The following MAPK4 variants were observed in gnomAD, a reference collection of about 807,000 sequenced individuals.
MAPK4 encodes the protein mitogen-activated protein kinase 4, also known as Erk3-related.
Under a neutral mutation model 47.7 loss-of-function variants are expected in MAPK4, and 22 were observed. The observed-to-expected ratio is 0.46, with a 90% CI of 0.33 to 0.66. The LOEUF (loss-of-function observed/expected upper bound fraction) is 0.66, where lower values mean the gene tolerates loss of function less well. MAPK4 is among the 30% of genes least tolerant of loss of function. MAPK4 has a pLI of 0.02. For synonymous variants in MAPK4, 390 were observed against 365.7 expected, an observed-to-expected ratio of 1.07 and a Z score of -0.76; for missense variants, 736 against 831.7, an observed-to-expected ratio of 0.88 and a Z score of 1.42.
At chr18:50,718,567 G>C (rs1910759890) in intron 3 of MAPK4, among the ~76,000 whole-genome samples, 1 of 152,122 alleles carries the variant, frequency 6.6e-6, no homozygotes, top group Non-Finnish European at 1.5e-5. Flanking sequence ...GGCACCATAG[G>C]AGCAGATTTA....
intron 1 of MAPK4, among the ~76,000 whole-genome samples, chr18:50,648,798 C>T (rs1044596192): frequency 9.2e-5 from 14 of 152,142 alleles, no homozygotes; most frequent in Non-Finnish European, 1.2e-4. Context: ...GTAGCCTCAC[C>T]CCTACCCTCG....
intron 2 of MAPK4, among the ~76,000 whole-genome samples, chr18:50,712,406 G>A (rs1598943528): frequency 6.6e-6 from 1 of 152,080 alleles, no homozygotes; most frequent in Admixed American, 6.6e-5. Context: ...CAGCCTGGGC[G>A]ACAGAATGCG....
intron 2 of MAPK4, among the ~76,000 whole-genome samples, chr18:50,714,590 T>A (rs1225551626): frequency 2.0e-5 from 3 of 152,246 alleles, no homozygotes; most frequent in Non-Finnish European, 4.4e-5. Context: ...CCTGGCTTTG[T>A]GGCAGCATTA....
chr18:50,602,919 T>C (rs2042552937), intron 1 of MAPK4, among the ~76,000 whole-genome samples: 1 of 152,080 alleles, frequency 6.6e-6, no homozygotes, highest in South Asian at 2.1e-4. Flanking sequence ...CCTCCTCAGA[T>C]GTTGGGTGTG....
chr18:50,708,438 C>T (rs1196713774), intron 2 of MAPK4, among the ~76,000 whole-genome samples: 3 of 152,188 alleles, frequency 2.0e-5, no homozygotes, highest in African/African-American at 7.2e-5. Context: ...TTAGGGCAGG[C>T]CAGTATCATA....
intron 1 of MAPK4, among the ~76,000 whole-genome samples, chr18:50,562,803 G>C (rs1301952560): frequency 6.6e-6 from 1 of 152,162 alleles, no homozygotes; most frequent in Non-Finnish European, 1.5e-5. Flanking sequence ...TGGTTCATGA[G>C]ATAAACATGT....
At chr18:50,660,739 G>A (rs892024291) in intron 1 of MAPK4, among the ~76,000 whole-genome samples, 7 of 152,172 alleles carry the variant, frequency 4.6e-5, no homozygotes, top group Non-Finnish European at 1.0e-4. Context: ...AACAAATGGG[G>A]GTGGTGGGGA....
chr18:50,711,746 T>G (rs897173685), intron 2 of MAPK4, among the ~76,000 whole-genome samples: 2 of 152,192 alleles, frequency 1.3e-5, no homozygotes, highest in Admixed American at 6.5e-5. Flanking sequence ...ATTTGGAGAT[T>G]TTTTTTGAGC....
At chr18:50,636,673 A>T (rs905676542) in intron 1 of MAPK4, among the ~76,000 whole-genome samples, 16 of 152,254 alleles carry the variant, frequency 1.1e-4, no homozygotes, top group African/African-American at 3.8e-4. Context: ...TTGCTTTTCT[A>T]TGGGAACCTT....
chr18:50,620,806 A>G (rs1269644123), intron 1 of MAPK4, among the ~76,000 whole-genome samples: 1 of 152,110 alleles, frequency 6.6e-6, no homozygotes, highest in Non-Finnish European at 1.5e-5. Flanking sequence ...AAACTTGCAG[A>G]AAGAAAAAAA....
chr18:50,710,464 C>T (rs976859456), intron 2 of MAPK4, among the ~76,000 whole-genome samples: 2 of 151,784 alleles, frequency 1.3e-5, no homozygotes, highest in African/African-American at 4.8e-5. Context: ...GCCTGGGCAA[C>T]AGAGCGAGAC....
At chr18:50,670,756 C>CAA (rs34523525) in intron 2 of MAPK4, among the ~76,000 whole-genome samples, 3,218 of 104,498 alleles carry the variant, frequency 0.031, 93 homozygotes, top group African/African-American at 0.084. Flanking sequence ...GACTCCGTCT[C>CAA]AAAAAAAAAA....
At chr18:50,618,170 A>G (rs1415780277) in intron 1 of MAPK4, among the ~76,000 whole-genome samples, 3 of 151,874 alleles carry the variant, frequency 2.0e-5, no homozygotes, top group Non-Finnish European at 4.4e-5. Flanking sequence ...AAGCTAACCT[A>G]CCTCCATCTC....
intron 2 of MAPK4, among the ~76,000 whole-genome samples, chr18:50,677,564 G>A (rs995040526): frequency 6.7e-6 from 1 of 149,340 alleles, no homozygotes; most frequent in African/African-American, 2.5e-5. Flanking sequence ...GTTTTTTTTT[G>A]TTGTTTTTTT....
Position 50,729,661 on chromosome 18 carries a change from G to T in MAPK4, c.1571G>T (p.Gly524Val), listed in dbSNP as rs1454241979. The T allele has an allele frequency of 6.6e-7, 1 of 1,522,492 alleles. No individual in the cohort carries two copies. Among genetic ancestry groups the T allele is most frequent in the South Asian group, 1.3e-5 (1 of 79,818 alleles). 94.3% of individuals were successfully genotyped at this position (1,522,492 alleles called of 1,614,324 possible). Residue 524 changes from glycine (G) to valine (V), a missense_variant, in exon 6 of 6, where the codon GGC becomes GTC. By Grantham distance (109) the Gly-to-Val change is moderately radical (BLOSUM62 -3). This residue lies in a region of MAPK4 where 377 missense variants were observed against 378.6 expected (regional missense o/e 1.00). Coordinates refer to ENST00000400384, the MANE Select transcript of MAPK4 (RefSeq NM_002747.4). The part of the protein sequence containing the change: ...PERRLSASPP[G>V]RPAPVDGGAS... ...CGCCGCTTGTCTGCCTCGCCCCCCGGCCGCCCGGCCCCGGTGGACGGCGGC... is the reference window on the plus strand; with the variant it reads ...CGCCGCTTGTCTGCCTCGCCCCCCGTCCGCCCGGCCCCGGTGGACGGCGGC...
chr18:50,707,216 G>A (rs1003533740), intron 2 of MAPK4, among the ~76,000 whole-genome samples: 4 of 152,114 alleles, frequency 2.6e-5, no homozygotes, highest in Admixed American at 2.0e-4. Flanking sequence ...GAGGCAGGGG[G>A]CAAGAACAAT....
intron 1 of MAPK4, among the ~76,000 whole-genome samples, chr18:50,616,055 C>T (rs1207744552): frequency 1.3e-5 from 2 of 152,194 alleles, no homozygotes; most frequent in African/African-American, 4.8e-5. Flanking sequence ...TAGGATTCCT[C>T]AGTGTCACTT....
At chr18:50,723,831 T>A (rs1250075224) in intron 4 of MAPK4, among the ~76,000 whole-genome samples, 1 of 141,984 alleles carries the variant, frequency 7.0e-6, no homozygotes, top group Non-Finnish European at 1.5e-5. Context: ...ATCACTGTAC[T>A]CCAACCTGGA....
At chr18:50,578,680 T>G (rs1009266512) in intron 1 of MAPK4, among the ~76,000 whole-genome samples, 1 of 152,206 alleles carries the variant, frequency 6.6e-6, no homozygotes, top group Admixed American at 6.5e-5. Context: ...ATGCTAGGTA[T>G]TGTGCAAGCT....
Sources: allele counts gnomAD v4.1 joint callset (sites outside exome capture counted in the v4.1 genomes callset), GRCh38; gene constraint gnomAD v4.1.1; regional missense constraint gnomAD v4.1.1; transcripts MANE v1.5; gene names NCBI Gene and HGNC (gene_info 2026-07-23, HGNC 2026-07-21).